The following PRIM2 variants were observed in gnomAD, a reference collection of about 807,000 sequenced individuals.
PRIM2 encodes DNA primase subunit 2, also known as DNA primase large subunit.
In PRIM2, 39 loss-of-function variants were observed where a neutral mutation model predicts 67.3. The observed-to-expected ratio is 0.58, with a 90% CI of 0.45 to 0.76. The LOEUF is 0.76. PRIM2 is among the 30% of genes least tolerant of loss of function. The probability of loss-of-function intolerance (pLI) is 0.00; values close to 1 mark genes in which losing one functional copy is unlikely to be tolerated. For missense variants in PRIM2, 398 were observed against 598.7 expected (o/e 0.66, Z 3.50); for synonymous variants, 143 against 198.7 (o/e 0.72, Z 2.36).
At chr6:57,458,286 C>T (rs1772877477) in intron 7 of PRIM2, among the ~76,000 whole-genome samples, 2 of 152,130 alleles carry the variant, frequency 1.3e-5, no homozygotes, top group Admixed American at 6.5e-5. Flanking sequence ...TCAAAAGTTA[C>T]GTATCACCTT....
At chr6:57,483,207 T>C (rs1362774023) in intron 7 of PRIM2, among the ~76,000 whole-genome samples, 61 of 152,188 alleles carry the variant, frequency 4.0e-4, no homozygotes, top group African/African-American at 1.1e-3. Flanking sequence ...TGCGCCCGGA[T>C]GATTTTTTTT....
chr6:57,581,393 A>C (rs1776082250), intron 10 of PRIM2, among the ~76,000 whole-genome samples: 2 of 152,208 alleles, frequency 1.3e-5, no homozygotes, highest in African/African-American at 4.8e-5. Context: ...TGTGATTAGT[A>C]AATGTTTTAC....
At chr6:57,423,795 A>G (rs1771537047) in intron 7 of PRIM2, among the ~76,000 whole-genome samples, 1 of 152,182 alleles carries the variant, frequency 6.6e-6, no homozygotes, top group Admixed American at 6.5e-5. Context: ...ACTCACTGTG[A>G]TTAAGGGTAC....
chr6:57,295,742 C>A, the PRIM2 span, among the ~76,000 whole-genome samples: 2 of 152,340 alleles, frequency 1.3e-5, no homozygotes, highest in East Asian at 3.9e-4. Context: ...ACATGAACAG[C>A]TACACAGGCA....
At chr6:57,364,011 A>C (rs6911507) in intron 5 of PRIM2, among the ~76,000 whole-genome samples, 9 of 141,266 alleles carry the variant, frequency 6.4e-5, no homozygotes, top group Admixed American at 3.5e-4. Flanking sequence ...TGTTATTTCT[A>C]TATTCTGTTT....
chr6:57,310,238 A>C (rs1001745265), upstream of PRIM2, among the ~76,000 whole-genome samples: 2 of 152,236 alleles, frequency 1.3e-5, no homozygotes, highest in African/African-American at 4.8e-5. Context: ...TCAAAACCAC[A>C]ATGTGGTGAT....
chr6:57,601,439 T>G (rs1409045637), intron 11 of PRIM2, among the ~76,000 whole-genome samples: 1 of 152,250 alleles, frequency 6.6e-6, no homozygotes, highest in Non-Finnish European at 1.5e-5. Context: ...CACTTCAGTT[T>G]GTGCTGGATT....
At chr6:57,556,392 ACTACAGGG>A (rs1370630826) in intron 10 of PRIM2, among the ~76,000 whole-genome samples, 12 of 152,182 alleles carry the variant, frequency 7.9e-5, no homozygotes, top group Non-Finnish European at 1.3e-4. Flanking sequence ...TTCAAACTAT[ACTACAGGG>A]CTACAGTAAC....
upstream of PRIM2, among the ~76,000 whole-genome samples, chr6:57,314,502 C>T (rs765487534): frequency 6.6e-6 from 1 of 152,180 alleles, no homozygotes; most frequent in Non-Finnish European, 1.5e-5. Context: ...GGCAACAGAG[C>T]GAGACTTCGT....
At chr6:57,553,287 C>T (rs1227990092) in intron 10 of PRIM2, among the ~76,000 whole-genome samples, 9 of 151,948 alleles carry the variant, frequency 5.9e-5, no homozygotes, top group African/African-American at 1.9e-4. Context: ...TGTCTCTTTA[C>T]CAACAAAGGA....
At chr6:57,457,770 A>T (rs77236898) in intron 7 of PRIM2, among the ~76,000 whole-genome samples, 2 of 152,086 alleles carry the variant, frequency 1.3e-5, no homozygotes, top group African/African-American at 2.4e-5. Flanking sequence ...CTCGGCTCAC[A>T]TACGGTGTGC....
At chr6:57,448,148 G>A (rs12200861) in intron 7 of PRIM2, among the ~76,000 whole-genome samples, 19 of 152,120 alleles carry the variant, frequency 1.2e-4, no homozygotes, top group Non-Finnish European at 2.2e-4. Flanking sequence ...AGACAATGTT[G>A]TATAGAACAT....
chr6:57,329,529 T>C (rs1581795126), intron 5 of PRIM2, among the ~76,000 whole-genome samples: 1 of 152,108 alleles, frequency 6.6e-6, no homozygotes, highest in Non-Finnish European at 1.5e-5. Context: ...TGGAAAGGAC[T>C]TGGTGGGAGG....
the PRIM2 span, among the ~76,000 whole-genome samples, chr6:57,240,115 T>TTTC: frequency 5.4e-5 from 4 of 73,744 alleles, no homozygotes; most frequent in African/African-American, 1.9e-4. Flanking sequence ...TTTTTTTTTT[T>TTTC]TGAGACGGAG....
intron 10 of PRIM2, among the ~76,000 whole-genome samples, chr6:57,553,366 T>G (rs1221034840): frequency 2.0e-5 from 3 of 152,000 alleles, no homozygotes; most frequent in African/African-American, 7.2e-5. Flanking sequence ...TATTTCTACC[T>G]TTAGTTTTAA....
chr6:57,562,399 A>G (rs1775651283), intron 10 of PRIM2, among the ~76,000 whole-genome samples: 1 of 152,178 alleles, frequency 6.6e-6, no homozygotes, highest in Non-Finnish European at 1.5e-5. Context: ...TGTGGGTTTT[A>G]TATTCTTCTT....
chr6:57,324,084 TA>T (rs1562693035), intron 3 of PRIM2, 116 bp from the exon 4 acceptor site: 2 of 611,044 alleles, frequency 3.3e-6, no homozygotes, highest in Non-Finnish European at 2.9e-6. Flanking sequence ...ACCCCATCTC[TA>T]AAAAAAGAAA....
At chr6:57,638,576 CAAAAAAAAAAAAAAA>C (rs1227220865) in intron 13 of PRIM2, among the ~76,000 whole-genome samples, 1 of 32,026 alleles carries the variant, frequency 3.1e-5, no homozygotes, top group Non-Finnish European at 5.5e-5. Flanking sequence ...AAACAGAAAG[CAAAAAAAAAAAAAAA>C]AAAAAAAAGC....
chr6:57,633,687 G>A (rs1224244258), intron 13 of PRIM2, among the ~76,000 whole-genome samples: 1 of 152,128 alleles, frequency 6.6e-6, no homozygotes, highest in African/African-American at 2.4e-5. Context: ...GCTGGTGGGA[G>A]GGCACATTAG....
Sources: gnomAD v4.1 joint callset for allele counts (sites outside exome capture counted in the v4.1 genomes callset) on GRCh38, gnomAD v4.1.1 for gene constraint, MANE v1.5 for transcripts, NCBI Gene and HGNC (gene_info 2026-07-23, HGNC 2026-07-21) for gene names.